VWA8: variants seen among roughly 807,000 people sequenced by gnomAD.
VWA8 encodes von Willebrand factor A domain-containing protein 8.
Under a neutral mutation model 241.5 loss-of-function variants are expected in VWA8, and 221 were observed. That is an observed-to-expected ratio of 0.91 (90% CI 0.82 to 1.02). The LOEUF (loss-of-function observed/expected upper bound fraction) is 1.02, where lower values mean the gene tolerates loss of function less well. Among genes scored for constraint, VWA8 ranks in the 50% least tolerant of loss-of-function variants. The pLI, the probability that VWA8 is intolerant of heterozygous loss-of-function variation, is 0.00. For missense variants in VWA8, 2,322 were observed against 2,328.7 expected, an observed-to-expected ratio of 1.00 and a Z score of 0.06; for synonymous variants, 852 against 827.1, an observed-to-expected ratio of 1.03 and a Z score of -0.52.
chr13:41,671,093 A>G lies in VWA8; in HGVS notation c.4464T>C (p.Asp1488=). The G allele has an allele frequency of 3.1e-6, 5 of 1,613,984 alleles. No homozygotes were observed. The highest frequency in any genetic ancestry group is 4.2e-6 in the Non-Finnish European group (5 of 1,179,872). Residue 1488 remains aspartate, a synonymous_variant, in exon 37 of 45, where the codon GAT becomes GAC. Coordinates refer to ENST00000379310, the MANE Select transcript of VWA8 (RefSeq NM_015058.2). ...TTWLSTISDT[D]ALLAEWDKSG... ...TTTTGTCCCACTCAGCCAGCAGTGC[A>G]TCTGTGTCTGAAATGGTCGACAGCC...
At chr13:41,949,182 G>C (rs1878006241) in intron 2 of VWA8, among the ~76,000 whole-genome samples, 1 of 151,766 alleles carries the variant, frequency 6.6e-6, no homozygotes, top group Non-Finnish European at 1.5e-5. Context: ...AAATACTTAA[G>C]ATCTGTGCAT....
At chr13:41,601,358 T>C (rs1459785859) in intron 40 of VWA8, among the ~76,000 whole-genome samples, 2 of 152,152 alleles carry the variant, frequency 1.3e-5, no homozygotes, top group Non-Finnish European at 2.9e-5. Flanking sequence ...CAGTGTGTGC[T>C]ACACAATCAG....
At chr13:41,804,513 G>T (rs1393187919) in intron 17 of VWA8, among the ~76,000 whole-genome samples, 2 of 151,110 alleles carry the variant, frequency 1.3e-5, no homozygotes, top group Admixed American at 6.6e-5. Flanking sequence ...GAAAAAAAAA[G>T]GAATTAAAAA....
chr13:41,569,696 C>T (rs1340625383), intron 44 of VWA8, among the ~76,000 whole-genome samples: 2 of 147,364 alleles, frequency 1.4e-5, no homozygotes, highest in African/African-American at 2.5e-5. Flanking sequence ...ATGTTTCTTA[C>T]AGGTATTTTA....
At chr13:41,887,167 A>T in intron 6 of VWA8, 30 bp downstream of exon 6, 1 of 1,588,826 alleles carries the variant, frequency 6.3e-7, no homozygotes, top group Non-Finnish European at 8.5e-7. Flanking sequence ...AAAACTGTTT[A>T]ACAAATAAAT....
chr13:41,713,476 G>A (rs2045330893), intron 26 of VWA8, among the ~76,000 whole-genome samples: 1 of 152,074 alleles, frequency 6.6e-6, no homozygotes, highest in Non-Finnish European at 1.5e-5. Flanking sequence ...TATTTTGCCT[G>A]AAACACAAAA....
intron 40 of VWA8, among the ~76,000 whole-genome samples, chr13:41,597,443 A>G (rs529253633): frequency 6.6e-6 from 1 of 152,248 alleles, no homozygotes; most frequent in Non-Finnish European, 1.5e-5. Context: ...CAATAGTGAA[A>G]GAAAAGAGGA....
At position 41,689,484 on chromosome 13, in the gene VWA8, T is replaced by C; in HGVS notation, c.4001A>G (p.Lys1334Arg). ...TQETEFSIPH[K>R]ISSDQLSSEH... Reference sequence around the variant, plus strand: ...AGATGATAGTTGATCACTGGAAATTTTATGAGGTATGCTGAACTCTGTTTC... The same window carrying C: ...AGATGATAGTTGATCACTGGAAATTCTATGAGGTATGCTGAACTCTGTTTC... Residue 1334 changes from lysine (K) to arginine (R), a missense_variant, in exon 34 of 45, where the codon AAA (lysine) becomes AGA (arginine). Physicochemically the swap from Lys to Arg is conservative, Grantham distance 26. Coordinates refer to ENST00000379310, the MANE Select transcript of VWA8 (RefSeq NM_015058.2). 1.2e-6 allele frequency: 2 copies of C among 1,610,972 alleles called. No homozygotes were observed. Among genetic ancestry groups the C allele is most frequent in the Non-Finnish European group, 1.7e-6 (2 of 1,178,734 alleles).
intron 26 of VWA8, among the ~76,000 whole-genome samples, chr13:41,715,780 C>G (rs1458820127): frequency 2.6e-5 from 4 of 151,968 alleles, no homozygotes; most frequent in Non-Finnish European, 5.9e-5. Flanking sequence ...ATCCTCCTAT[C>G]TCTCCCTACA....
intron 12 of VWA8, among the ~76,000 whole-genome samples, chr13:41,863,455 T>TATATATATATATATATATATTCA (rs1566485517): frequency 1.1e-5 from 1 of 87,156 alleles, no homozygotes; most frequent in Non-Finnish European, 2.4e-5. Flanking sequence ...ATATATATAT[T>TATATATATATATATATATATTCA]CACACACACA....
intron 26 of VWA8, among the ~76,000 whole-genome samples, chr13:41,709,261 C>T (rs2045301736): frequency 1.3e-5 from 2 of 152,128 alleles, no homozygotes; most frequent in African/African-American, 4.8e-5. Context: ...TCATTTGGAT[C>T]TCTAGTATTC....
intron 42 of VWA8, among the ~76,000 whole-genome samples, chr13:41,585,028 A>G (rs554620497): frequency 6.6e-6 from 1 of 152,242 alleles, no homozygotes; most frequent in East Asian, 1.9e-4. Flanking sequence ...CGCGGAATTT[A>G]ACTGACATCC....
chr13:41,615,261 CATCT>C (rs1448161940), intron 37 of VWA8, among the ~76,000 whole-genome samples, 177 bp from the exon 38 acceptor site: 1 of 152,080 alleles, frequency 6.6e-6, no homozygotes, highest in African/African-American at 2.4e-5. Context: ...TTCCAACATC[CATCT>C]AGTTGGGAAG....
intron 44 of VWA8, among the ~76,000 whole-genome samples, chr13:41,569,713 G>C (rs1242994866): frequency 6.7e-6 from 1 of 149,990 alleles, no homozygotes; most frequent in Non-Finnish European, 1.5e-5. Context: ...TTTAAACACA[G>C]AAAAACCATG....
intron 29 of VWA8, among the ~76,000 whole-genome samples, chr13:41,695,614 T>C (rs1593702325): frequency 6.6e-6 from 1 of 152,246 alleles, no homozygotes; most frequent in East Asian, 1.9e-4. Context: ...TAAGATACTC[T>C]CTCCGGGAAA....
intron 40 of VWA8, among the ~76,000 whole-genome samples, chr13:41,601,077 C>T (rs1250618750): frequency 6.6e-6 from 1 of 152,106 alleles, no homozygotes; most frequent in East Asian, 1.9e-4. Context: ...CTGTGCTGTG[C>T]CCTCTTCTGG....
At chr13:41,887,816 T>C (rs1874621656) in intron 5 of VWA8, among the ~76,000 whole-genome samples, 1 of 152,266 alleles carries the variant, frequency 6.6e-6, no homozygotes, top group African/African-American at 2.4e-5. Flanking sequence ...TAACATGTTT[T>C]GGAAACTTAC....
chr13:41,740,335 T>G (rs577132729), intron 21 of VWA8, among the ~76,000 whole-genome samples: 8 of 152,360 alleles, frequency 5.3e-5, no homozygotes, highest in Admixed American at 6.5e-5. Context: ...GTCATAGTGA[T>G]ATAGATTTTG....
intron 43 of VWA8, among the ~76,000 whole-genome samples, chr13:41,571,338 CCCTCTCCCGTCT>C (rs1257195811): frequency 3.4e-5 from 5 of 148,794 alleles, no homozygotes; most frequent in African/African-American, 1.2e-4. Context: ...GTCTCCCTCT[CCCTCTCCCGTCT>C]CCCTCTCCCT....
Sources: gnomAD v4.1 joint callset for allele counts (sites outside exome capture counted in the v4.1 genomes callset) on GRCh38, gnomAD v4.1.1 for gene constraint, MANE v1.5 for transcripts, NCBI Gene and HGNC (gene_info 2026-07-23, HGNC 2026-07-21) for gene names.